TSHZ2: variants seen among roughly 807,000 people sequenced by gnomAD.
TSHZ2 encodes teashirt zinc finger homeobox 2.
Under a neutral mutation model 74.4 loss-of-function variants are expected in TSHZ2, and 21 were observed. The observed-to-expected ratio is 0.28, with a 90% CI of 0.20 to 0.41. The LOEUF is 0.41. Ranked by LOEUF, TSHZ2 falls within the 10% of genes least tolerant of loss-of-function variation. The probability of loss-of-function intolerance (pLI) is 1.00; values close to 1 mark genes in which losing one functional copy is unlikely to be tolerated. For synonymous variants in TSHZ2, 540 were observed against 515.3 expected (o/e 1.05, Z -0.65); for missense variants, 1,244 against 1,293.5 (o/e 0.96, Z 0.59).
chr20:53,194,010 T>C (rs1300486954), intron 1 of TSHZ2, among the ~76,000 whole-genome samples: 1 of 152,204 alleles, frequency 6.6e-6, no homozygotes, highest in Non-Finnish European at 1.5e-5. Context: ...TGTGTGTCTT[T>C]TGACCACCTC....
intron 1 of TSHZ2, among the ~76,000 whole-genome samples, chr20:53,042,167 C>G (rs1984063606): frequency 1.3e-5 from 2 of 152,134 alleles, no homozygotes; most frequent in South Asian, 4.1e-4. Context: ...GTATTTATCC[C>G]TCTGCTGGAT....
chr20:53,101,927 CT>C (rs1367412862), intron 1 of TSHZ2, among the ~76,000 whole-genome samples: 1 of 150,920 alleles, frequency 6.6e-6, no homozygotes, highest in Non-Finnish European at 1.5e-5. Flanking sequence ...TTTAAAATCA[CT>C]TTTTTGGGGA....
At chr20:53,444,863 GC>G (rs1159526575) in intron 2 of TSHZ2, among the ~76,000 whole-genome samples, 2 of 152,022 alleles carry the variant, frequency 1.3e-5, no homozygotes, top group Non-Finnish European at 2.9e-5. Context: ...TTGCCACTTG[GC>G]CCCCCAGCCC....
At chr20:53,081,019 A>G (rs1240225259) in intron 1 of TSHZ2, among the ~76,000 whole-genome samples, 1 of 152,056 alleles carries the variant, frequency 6.6e-6, no homozygotes, top group African/African-American at 2.4e-5. Context: ...TACTGCTTTT[A>G]AAACATGTTT....
chr20:53,134,185 G>A (rs1987183410), intron 1 of TSHZ2, among the ~76,000 whole-genome samples: 1 of 152,118 alleles, frequency 6.6e-6, no homozygotes, highest in African/African-American at 2.4e-5. Flanking sequence ...ACCTCTCTGA[G>A]ATAACCCATA....
intron 1 of TSHZ2, among the ~76,000 whole-genome samples, chr20:53,176,136 C>A (rs188208362): frequency 6.6e-6 from 1 of 152,324 alleles, no homozygotes; most frequent in African/African-American, 2.4e-5. Context: ...GGAGTTACTG[C>A]TCCTTAGTTC....
intron 2 of TSHZ2, among the ~76,000 whole-genome samples, chr20:53,480,577 A>G (rs1480591947): frequency 6.6e-6 from 1 of 151,982 alleles, no homozygotes; most frequent in Non-Finnish European, 1.5e-5. Flanking sequence ...CTAAAAAAAA[A>G]AAAAAGAAAA....
chr20:53,382,404 C>G (rs888812439), intron 2 of TSHZ2, among the ~76,000 whole-genome samples: 7 of 152,150 alleles, frequency 4.6e-5, no homozygotes, highest in African/African-American at 1.7e-4. Flanking sequence ...CAGGCTCCTC[C>G]GTGACTATCT....
chr20:53,245,953 C>T (rs942059584), intron 1 of TSHZ2, among the ~76,000 whole-genome samples: 8 of 152,078 alleles, frequency 5.3e-5, no homozygotes, highest in Admixed American at 4.6e-4. Context: ...TTTGTCCACA[C>T]AGTTGGGCCC....
chr20:53,253,275 AT>A (rs1474396437), intron 1 of TSHZ2, among the ~76,000 whole-genome samples: 3 of 148,684 alleles, frequency 2.0e-5, no homozygotes, highest in African/African-American at 5.0e-5. Context: ...CTAGGCATTT[AT>A]AAAGAATTAT....
chr20:53,113,299 T>C (rs533561763), intron 1 of TSHZ2, among the ~76,000 whole-genome samples: 1 of 152,370 alleles, frequency 6.6e-6, no homozygotes, highest in African/African-American at 2.4e-5. Context: ...TTCTCCTTTT[T>C]TCTTCTCTTT....
chr20:53,040,911 CTGT>C (rs1365608522), intron 1 of TSHZ2, among the ~76,000 whole-genome samples: 4 of 152,146 alleles, frequency 2.6e-5, no homozygotes, highest in Non-Finnish European at 5.9e-5. Flanking sequence ...CTCAGGGTTC[CTGT>C]TGTTCCTATT....
intron 2 of TSHZ2, among the ~76,000 whole-genome samples, chr20:53,327,308 G>T (rs73276357): frequency 2.0e-5 from 3 of 152,156 alleles, no homozygotes; most frequent in African/African-American, 4.8e-5. Context: ...AACTAATGAC[G>T]TACAGCCATT....
intron 2 of TSHZ2, among the ~76,000 whole-genome samples, chr20:53,288,311 G>A (rs1334172778): frequency 6.6e-6 from 1 of 151,726 alleles, no homozygotes; most frequent in Non-Finnish European, 1.5e-5. Flanking sequence ...GGCTGAGGCA[G>A]GAGAATTGCT....
In TSHZ2 at chr20:53,133,804, C is replaced by T. The variant is rs867011476; in HGVS notation, c.41-119695C>T. On this transcript the variant is annotated intron_variant, in intron 1 of 2. Coordinates refer to ENST00000371497, the MANE Select transcript of TSHZ2 (RefSeq NM_173485.6). ...CTCTGTGTTCTTGATTTTTTCTTATCGACATTCCTGACACTGGCTATGGGG... is the reference window on the plus strand; with the variant it reads ...CTCTGTGTTCTTGATTTTTTCTTATTGACATTCCTGACACTGGCTATGGGG... Among the ~76,000 whole-genome samples, 11 of 151,992 alleles carry T rather than the reference C, an allele frequency of 7.2e-5. 2 individuals carry two copies. The South Asian group carries it at 1.5e-3, about 20-fold the overall frequency.
At position 53,253,567 on chromosome 20, in the gene TSHZ2, G is replaced by A. The variant is rs201799053; in HGVS notation, c.109G>A (p.Gly37Ser). ...IKEEEEEEDSGSVAQLQGGND... is the reference protein window; with the variant it reads ...IKEEEEEEDSSSVAQLQGGND... ...AGAAGAGGAGGAGGAGGAGGACAGC[G>A]GTTCAGTAGCTCAACTGCAGGGTGG... Residue 37 changes from glycine (G) to serine (S), a missense_variant, in exon 2 of 3, where the codon GGT becomes AGT. Gly to Ser is a moderately conservative substitution (Grantham distance 56, BLOSUM62 0). Around this residue, in one of 6 missense-constraint regions of TSHZ2, gnomAD observed 470 missense variants for 456.5 expected, o/e 1.03. Transcript: ENST00000371497. The A allele has an allele frequency of 1.8e-4, 292 of 1,613,798 alleles. No homozygotes were observed. The highest frequency in any genetic ancestry group is 2.3e-4 in the Non-Finnish European group (276 of 1,179,928).
chr20:53,068,708 T>A (rs1985074489), intron 1 of TSHZ2, among the ~76,000 whole-genome samples: 1 of 152,176 alleles, frequency 6.6e-6, no homozygotes, highest in African/African-American at 2.4e-5. Context: ...AGTATAAGAT[T>A]TCATAAATGC....
At chr20:53,319,889 C>T (rs1051775628) in intron 2 of TSHZ2, among the ~76,000 whole-genome samples, 4 of 152,212 alleles carry the variant, frequency 2.6e-5, no homozygotes, top group Non-Finnish European at 5.9e-5. Context: ...GAGAGAGAGA[C>T]TGATTATTAC....
At position 53,035,088 on chromosome 20, in the gene TSHZ2, A is replaced by G. The variant is rs543425582; in HGVS notation, c.40+61755A>G. Among the ~76,000 whole-genome samples the G allele has an allele frequency of 2.0e-5, 3 of 152,346 alleles. No homozygotes were observed. The South Asian group carries it at 6.2e-4, about 32-fold the overall frequency. On this transcript the variant is annotated intron_variant, in intron 1 of 2. Coordinates refer to ENST00000371497, the MANE Select transcript of TSHZ2 (RefSeq NM_173485.6). ...ACGACTTAGGACGTGGTTTGCAGGC[A>G]GCACCACAGGATGTAGTAGAGGTGA...
Sources: gnomAD v4.1 joint callset for allele counts (sites outside exome capture counted in the v4.1 genomes callset) on GRCh38, gnomAD v4.1.1 for gene constraint, gnomAD v4.1.1 regional missense constraint, MANE v1.5 for transcripts, NCBI Gene and HGNC (gene_info 2026-07-23, HGNC 2026-07-21) for gene names.